The following COL5A1 variants were observed in gnomAD, a reference collection of about 807,000 sequenced individuals.
The protein encoded by COL5A1 is collagen alpha-1(V) chain.
Under a neutral mutation model 263.7 loss-of-function variants are expected in COL5A1, and 16 were observed. That is an observed-to-expected ratio of 0.06 (90% CI 0.04 to 0.09). COL5A1 has a LOEUF of 0.09. COL5A1 is among the 10% of genes least tolerant of loss of function. The pLI, the probability that COL5A1 is intolerant of heterozygous loss-of-function variation, is 1.00. For missense variants in COL5A1, 2,036 were observed against 2,540.5 expected (o/e 0.80, Z 4.27); for synonymous variants, 1,012 against 1,004.5 (o/e 1.01, Z -0.14).
At chr9:134,770,638 G>T (rs1836837360) in intron 25 of COL5A1, among the ~76,000 whole-genome samples, 2 of 152,250 alleles carry the variant, frequency 1.3e-5, no homozygotes, top group Non-Finnish European at 2.9e-5. Context: ...GTGAGGTGAT[G>T]AAGGATTTTA....
rs370752342 is a variant in COL5A1 at position 134,767,017 on chromosome 9, T to C, written c.2151T>C (p.Pro717=). 12 of 1,613,726 alleles carry C rather than the reference T, an allele frequency of 7.4e-6. No individual in the cohort carries two copies. In the African/African-American group the frequency reaches 1.1e-4, roughly 14 times the overall value. Residue 717 remains proline (P), a synonymous_variant, in exon 23 of 66, where the codon CCT becomes CCC. Transcript: ENST00000371817. ...PKGNVGPQGE[P]GPPGQQGNPG... is the part of the protein sequence containing the mutation. ...TCCTGTAGGGTCCCCAGGGAGAGCC[T>C]GGCCCCCCAGGACAGCAGGGTAATC...
At chr9:134,646,676 C>G (rs1318676609) in intron 1 of COL5A1, among the ~76,000 whole-genome samples, 1 of 152,214 alleles carries the variant, frequency 6.6e-6, no homozygotes, top group Non-Finnish European at 1.5e-5. Flanking sequence ...TGGCCTGGCA[C>G]AGTGAGCCCA....
rs778947233 is a variant in COL5A1 at position 134,842,379 on chromosome 9, G to A, written c.*76G>A. On this transcript the variant is annotated 3_prime_UTR_variant, in exon 66 of 66. Transcript: ENST00000371817. The surrounding 1 kb of genome is among the most constrained non-coding windows in gnomAD (Gnocchi z 5.8). ...ATTCGTTCGTGAGTGTCCCGTGCAC[G>A]TCCTGACCCTGGACAGTGAAGGCTT... The A allele has an allele frequency of 2.0e-5, 32 of 1,561,026 alleles. No individual in the cohort carries two copies. Among genetic ancestry groups the A allele is most frequent in the East Asian group, 2.3e-5 (1 of 43,766 alleles).
intron 1 of COL5A1, among the ~76,000 whole-genome samples, chr9:134,672,810 T>G (rs1388437082): frequency 1.3e-5 from 2 of 152,176 alleles, no homozygotes; most frequent in Non-Finnish European, 2.9e-5. Flanking sequence ...AACTAAAAAG[T>G]TTAGCATGGC....
chr9:134,813,212 G>C (rs1487298040), intron 48 of COL5A1, among the ~76,000 whole-genome samples: 2 of 152,094 alleles, frequency 1.3e-5, no homozygotes, highest in African/African-American at 2.4e-5. Context: ...GTGTGTGCCT[G>C]TGTGTGTGAG....
At position 134,755,560 on chromosome 9, in the gene COL5A1, G is replaced by A. The variant is rs982662033; in HGVS notation, c.1828-1205G>A. On this transcript the variant is annotated intron_variant, in intron 16 of 65. Coordinates refer to ENST00000371817, the MANE Select transcript of COL5A1 (RefSeq NM_000093.5). The surrounding 1 kb of genome is among the most constrained non-coding windows in gnomAD (Gnocchi z 4.1). ...GAGCAGCCTCTTCCATTCTTTGCTAGCATTTCCTGCAAGGAACGCTCGCTT... is the reference window on the plus strand; with the variant it reads ...GAGCAGCCTCTTCCATTCTTTGCTAACATTTCCTGCAAGGAACGCTCGCTT... 2.0e-5 allele frequency among the ~76,000 whole-genome samples: 3 copies of A among 152,254 alleles called. No homozygotes were observed. The highest frequency in any genetic ancestry group is 4.4e-5 in the Non-Finnish European group (3 of 68,050).
At chr9:134,683,476 G>C (rs1397936850) in intron 1 of COL5A1, among the ~76,000 whole-genome samples, 2 of 152,202 alleles carry the variant, frequency 1.3e-5, no homozygotes, top group African/African-American at 2.4e-5. Context: ...TCTACTTGGC[G>C]TTAGCATAAA....
At chr9:134,826,821 T>C (rs1342126202) in intron 63 of COL5A1, among the ~76,000 whole-genome samples, 1 of 149,868 alleles carries the variant, frequency 6.7e-6, no homozygotes, top group Non-Finnish European at 1.5e-5. Flanking sequence ...TGTGGGTGTG[T>C]GGCTGGTGTG....
chr9:134,742,641 C>T lies in COL5A1; in HGVS notation c.1494+3833C>T, dbSNP rs756017608. 3.7e-4 allele frequency among the ~76,000 whole-genome samples: 57 copies of T among 152,174 alleles called. No individual in the cohort carries two copies. The highest frequency in any genetic ancestry group is 7.1e-4 in the Non-Finnish European group (48 of 68,032). On this transcript the variant is annotated intron_variant, in intron 11 of 65. Coordinates refer to ENST00000371817, the MANE Select transcript of COL5A1 (RefSeq NM_000093.5). The surrounding 1 kb of genome is among the most constrained non-coding windows in gnomAD (Gnocchi z 4.6). ...CCAAGTGAGCTGCAGGCCAGGTGGC[C>T]GTTACTCAGCCCCTCTCTGGCCTGG...
In COL5A1 at chr9:134,767,313, C is replaced by G. The variant is rs764727008; in HGVS notation, c.2191C>G (p.Leu731Val). 1.4e-5 allele frequency: 23 copies of G among 1,614,108 alleles called. No homozygotes were observed. Among genetic ancestry groups the G allele is most frequent in the Non-Finnish European group, 1.9e-5 (23 of 1,180,008 alleles). ...GQQGNPGAQG[L>V]PGPQGAIGPP... Reference sequence around the variant, plus strand: ...TCTGGCTCTTTCTCCCTCTTAGGGTCTTCCAGGCCCCCAGGGTGCAATTGG... The same window carrying G: ...TCTGGCTCTTTCTCCCTCTTAGGGTGTTCCAGGCCCCCAGGGTGCAATTGG... The change falls in exon 24 of 66, where the codon CTT (leucine) becomes GTT (valine). Residue 731 changes from leucine to valine, a missense_variant. Physicochemically the swap from Leu to Val is conservative, Grantham distance 32. Coordinates refer to ENST00000371817, the MANE Select transcript of COL5A1 (RefSeq NM_000093.5).
chr9:134,671,599 G>T lies in COL5A1; in HGVS notation c.110-19313G>T, dbSNP rs540073105. 3.9e-5 allele frequency among the ~76,000 whole-genome samples: 6 copies of T among 152,324 alleles called. No individual in the cohort carries two copies. The South Asian group carries it at 1.2e-3, about 32-fold the overall frequency. Reference sequence around the variant, plus strand: ...AGCAGAGCCAGAGAGGAACCCCACTGGGCTCACCCGCAGCTCTAAAGTGGC... The same window carrying T: ...AGCAGAGCCAGAGAGGAACCCCACTTGGCTCACCCGCAGCTCTAAAGTGGC... On this transcript the variant is annotated intron_variant, in intron 1 of 65. Transcript: ENST00000371817.
At chr9:134,822,963 C>G in intron 59 of COL5A1, 35 bp from the exon 60 acceptor site, 1 of 1,613,760 alleles carries the variant, frequency 6.2e-7, no homozygotes, top group Non-Finnish European at 8.5e-7. Flanking sequence ...AGCTGAGACC[C>G]GGCTTGCTGA....
At chr9:134,783,288 G>C (rs1241965395) in intron 29 of COL5A1, among the ~76,000 whole-genome samples, 1 of 152,228 alleles carries the variant, frequency 6.6e-6, no homozygotes, top group Non-Finnish European at 1.5e-5. Flanking sequence ...AGGAGACCTG[G>C]CTTATTTTTA....
At chr9:134,719,409 C>T (rs955588877) in intron 4 of COL5A1, among the ~76,000 whole-genome samples, 14 of 152,334 alleles carry the variant, frequency 9.2e-5, no homozygotes, top group African/African-American at 2.4e-4. Flanking sequence ...AACACGGTAC[C>T]GGACACATGC....
chr9:134,697,421 G>A (rs1333826618), intron 2 of COL5A1, among the ~76,000 whole-genome samples: 1 of 152,230 alleles, frequency 6.6e-6, no homozygotes, highest in Non-Finnish European at 1.5e-5. Context: ...GGGCCTAGCG[G>A]TGCCTTGTGC....
At chr9:134,785,313 C>G (rs532280373) in intron 30 of COL5A1, among the ~76,000 whole-genome samples, 4 of 152,316 alleles carry the variant, frequency 2.6e-5, no homozygotes, top group Admixed American at 2.6e-4. Context: ...CCTTTCCCAG[C>G]CCTCCACCAT....
chr9:134,779,342 A>T (rs186714100), intron 27 of COL5A1, among the ~76,000 whole-genome samples: 46 of 152,346 alleles, frequency 3.0e-4, no homozygotes, highest in Middle Eastern at 3.4e-3. Flanking sequence ...GCACAGTGAG[A>T]GTGTCAGAGA....
chr9:134,644,133 G>C (rs555687228), intron 1 of COL5A1, among the ~76,000 whole-genome samples: 6 of 151,966 alleles, frequency 3.9e-5, no homozygotes, highest in Non-Finnish European at 7.4e-5. Flanking sequence ...CCCAGGGTGG[G>C]ACCTATTTGG....
At chr9:134,774,749 T>C in intron 26 of COL5A1, 110 bp from the exon 27 acceptor site, 1 of 1,143,752 alleles carries the variant, frequency 8.7e-7, no homozygotes, top group South Asian at 1.3e-5. Context: ...AGCTGGGATG[T>C]TCGCCCTGCT....
Sources: gnomAD v4.1 joint callset for allele counts (sites outside exome capture counted in the v4.1 genomes callset) on GRCh38, gnomAD v4.1.1 for gene constraint, Gnocchi (gnomAD v3.1) non-coding constraint, MANE v1.5 for transcripts, NCBI Gene and HGNC (gene_info 2026-07-23, HGNC 2026-07-21) for gene names.